The following FBN3 variants were observed in gnomAD, a reference collection of about 807,000 sequenced individuals.
FBN3 encodes the protein fibrillin-3.
In FBN3, 234 loss-of-function variants were observed where a neutral mutation model predicts 330.1. The observed-to-expected ratio is 0.71, with a 90% CI of 0.64 to 0.79. FBN3 has a LOEUF of 0.79. Ranked by LOEUF, FBN3 falls within the 30% of genes least tolerant of loss-of-function variation. The pLI, the probability that FBN3 is intolerant of heterozygous loss-of-function variation, is 0.00. For synonymous variants in FBN3, 1,458 were observed against 1,517.3 expected (o/e 0.96, Z 0.91); for missense variants, 3,606 against 3,886.9 (o/e 0.93, Z 1.92).
chr19:8,128,871 A>G (rs2083057256), intron 18 of FBN3, among the ~76,000 whole-genome samples, 157 bp downstream of exon 18: 1 of 152,162 alleles, frequency 6.6e-6, no homozygotes, highest in African/African-American at 2.4e-5. Flanking sequence ...GTGTGCATAT[A>G]TGTGTGTGTG....
chr19:8,094,349 C>T (rs1277263594), intron 47 of FBN3, 97 bp downstream of exon 47: 3 of 1,329,998 alleles, frequency 2.3e-6, no homozygotes, highest in Non-Finnish European at 3.1e-6. Flanking sequence ...AGTACATCTC[C>T]ACCTTCATCA....
At chr19:8,113,602 G>C (rs981946259) in intron 30 of FBN3, among the ~76,000 whole-genome samples, 2 of 152,216 alleles carry the variant, frequency 1.3e-5, no homozygotes, top group Non-Finnish European at 2.9e-5. Context: ...AGGAGGCTGA[G>C]GCTGGGAGGA....
intron 59 of FBN3, 74 bp downstream of exon 59, chr19:8,080,929 T>C: frequency 8.9e-7 from 1 of 1,127,548 alleles, no homozygotes; most frequent in African/African-American, 1.5e-5. Flanking sequence ...GCCAACTTGA[T>C]ATTTTTTTGG....
chr19:8,135,936 G>GGGGGGGGGGGGGGGGGGGGGGGGCGC, intron 13 of FBN3, 25 bp downstream of exon 13: 3 of 668,778 alleles, frequency 4.5e-6, no homozygotes, highest in Non-Finnish European at 7.2e-6. Context: ...GGAAGCCCCT[G>GGGGGGGGGGGGGGGGGGGGGGGGCGC]CCCACCCGCC....
rs945881736 is a variant in FBN3, at chr19:8,117,647, A to G, written c.3338-58T>C. On this transcript the variant is annotated intron_variant, in intron 26 of 63. Transcript: ENST00000600128. ...TGCCCCATCTGCCGTCTGTGTGACC[A>G]TGAGACACACTGGGGGCACACATGC... is the stretch of plus-strand genomic sequence containing the variant. 5 of 1,483,378 alleles carry G rather than the reference A, an allele frequency of 3.4e-6. No homozygotes were observed. The African/African-American group carries it at 7.0e-5, about 21-fold the overall frequency. The allele number at this position is 1,483,378 out of a possible 1,614,324, so 91.9% of individuals were successfully genotyped here. A position where few individuals can be genotyped will look rare whatever the true frequency, so the allele number is the denominator to read the frequency against.
rs1395861476 is a variant in FBN3, at chr19:8,096,397, C to T, written c.5539+47G>A. 1 of 1,590,204 alleles carries T rather than the reference C, an allele frequency of 6.3e-7. No individual in the cohort carries two copies. The highest frequency in any genetic ancestry group is 8.6e-7 in the Non-Finnish European group (1 of 1,166,490). The stretch of plus-strand genomic sequence containing the variant: ...ACTTCCATCCCAGGGGAGGTTTAGA[C>T]CCCAGGCAGCCTGGCTTGAAAAGGA... On this transcript the variant is annotated intron_variant, in intron 44 of 63. Transcript: ENST00000600128. The surrounding 1 kb of genome is among the most constrained non-coding windows in gnomAD (Gnocchi z 4.6).
intron 46 of FBN3, among the ~76,000 whole-genome samples, chr19:8,094,860 C>T (rs920315235): frequency 3.3e-5 from 5 of 152,278 alleles, no homozygotes; most frequent in East Asian, 1.9e-4. Context: ...ATCTATTTAG[C>T]GCTTCTACTA....
In FBN3 at chr19:8,102,736, T is replaced by C; in HGVS notation, c.5077A>G (p.Thr1693Ala). 1 of 1,612,812 alleles carries C rather than the reference T, an allele frequency of 6.2e-7. No individual in the cohort carries two copies. Among genetic ancestry groups the C allele is most frequent in the Non-Finnish European group, 8.5e-7 (1 of 1,179,474 alleles). ...AWNRPCEACP[T>A]PISPDYQILC... ...GAGGGTTACTCACGACTGATGGGAG[T>C]GGGGCAGGCCTCACAGGGTCTATTC... The change falls in exon 40 of 64, where the codon ACT becomes GCT. Residue 1693 changes from threonine (T) to alanine (A), a missense_variant. Thr to Ala is a moderately conservative substitution (Grantham distance 58). Transcript: ENST00000600128.
intron 56 of FBN3, among the ~76,000 whole-genome samples, chr19:8,084,044 T>C (rs12611247): frequency 0.17 from 26,196 of 151,474 alleles, 2,817 homozygotes; most frequent in Non-Finnish European, 0.24. Context: ...CCTCGTGATC[T>C]GCCCGCCTCA....
At chr19:8,083,476 C>A in intron 56 of FBN3, 104 bp from the exon 57 acceptor site, 1 of 1,413,960 alleles carries the variant, frequency 7.1e-7, no homozygotes. Context: ...GGAGGAAAGT[C>A]CAGCCTCCCT....
Position 8,081,011 on chromosome 19 carries a change from G to A in FBN3, c.7445C>T (p.Ala2482Val). The change falls in exon 59 of 64, where the codon GCC (alanine) becomes GTC (valine). Residue 2482 changes from alanine (A) to valine (V), a missense_variant. By Grantham distance (64) the Ala-to-Val change is moderately conservative. Transcript: ENST00000600128. ...GGGCAAGGGTCACTCACCGAAGCAG[G>A]CCTGGTGGTGCTGGGTGAAGCCGGG... ...CPPGFTQHHQ[A>V]CFDNDECSAQ... 1.2e-6 allele frequency: 2 copies of A among 1,610,198 alleles called. No homozygotes were observed. Among genetic ancestry groups the A allele is most frequent in the Non-Finnish European group, 1.7e-6 (2 of 1,177,786 alleles).
In FBN3 at chr19:8,136,517, T is replaced by G; in HGVS notation, c.1216A>C (p.Asn406His). The G allele has an allele frequency of 1.2e-6, 2 of 1,614,114 alleles. No individual in the cohort carries two copies. Among genetic ancestry groups the G allele is most frequent in the Non-Finnish European group, 1.7e-6 (2 of 1,179,990 alleles). ...TGTCGGCAGATGTCAATGGTCTGGT[T>G]CAGGGTAGCAGTGCCTACGGGTGGG... ...GNSNIGTATL[N>H]QTIDICRHFT... Residue 406 changes from asparagine (N) to histidine (H), a missense_variant, in exon 11 of 64, where the codon AAC becomes CAC. Transcript: ENST00000600128.
At position 8,113,014 on chromosome 19, in the gene FBN3, C is replaced by G. The variant is rs75562406; in HGVS notation, c.3839-915G>C. On this transcript the variant is annotated intron_variant, in intron 30 of 63. Transcript: ENST00000600128. ...TTAAAAGGTATGCTCAAGTCCTAAA[C>G]CCTGAAACTGGTGAATGTGACCTTA... Among the ~76,000 whole-genome samples, 1,228 of 152,300 alleles carry G rather than the reference C, an allele frequency of 8.1e-3. 21 individuals carry two copies. The highest frequency in any genetic ancestry group is 0.028 in the African/African-American group (1,168 of 41,560).
chr19:8,091,920 GC>G (rs1366467405), intron 47 of FBN3, among the ~76,000 whole-genome samples: 1 of 152,190 alleles, frequency 6.6e-6, no homozygotes, highest in Non-Finnish European at 1.5e-5. Context: ...GGTGGCTCAT[GC>G]CTGTAATCCC....
chr19:8,145,042 T>A (rs899208), intron 5 of FBN3, 70 bp from the exon 6 acceptor site: 1 of 1,329,228 alleles, frequency 7.5e-7, no homozygotes, highest in East Asian at 2.4e-5. Flanking sequence ...ACAGCAAGCC[T>A]GTCTTCACCC....
Position 8,087,079 on chromosome 19 carries a change from G to A in FBN3, c.6752C>T (p.Thr2251Ile). 1 of 1,607,808 alleles carries A rather than the reference G, an allele frequency of 6.2e-7. No homozygotes were observed. The highest frequency in any genetic ancestry group is 8.5e-7 in the Non-Finnish European group (1 of 1,179,158). ...CATGAAGCTCCAGTGCCCCATACCTGTGCAGCCCTCCCCAGAGCCAGGCAG... is the reference window on the plus strand; with the variant it reads ...CATGAAGCTCCAGTGCCCCATACCTATGCAGCCCTCCCCAGAGCCAGGCAG... ...RPLPGSGEGC[T>I]DDNECHAQPD... is the part of the protein sequence containing the mutation. The change falls in exon 54 of 64, where the codon ACA becomes ATA. Residue 2251 changes from threonine to isoleucine, a missense_variant and splice_region_variant. Coordinates refer to ENST00000600128, the MANE Select transcript of FBN3 (RefSeq NM_032447.5).
At position 8,126,728 on chromosome 19, in the gene FBN3, C is replaced by G. The variant is rs1248730037; in HGVS notation, c.2401G>C (p.Gly801Arg). ...CGPGSRLDPS[G>R]TFCLDSTKGT... ...GGCCGCTCACCTAGACAGAAGGTAC[C>G]AGAGGGGTCCAGCCGGCTGCCAGGG... The change falls in exon 19 of 64, where the codon GGT (glycine) becomes CGT (arginine). Residue 801 changes from glycine (G) to arginine (R), a missense_variant. Coordinates refer to ENST00000600128, the MANE Select transcript of FBN3 (RefSeq NM_032447.5). The G allele has an allele frequency of 6.3e-7, 1 of 1,587,870 alleles. No homozygotes were observed. Among genetic ancestry groups the G allele is most frequent in the Non-Finnish European group, 8.6e-7 (1 of 1,167,786 alleles).
At chr19:8,086,975 G>T (rs562613990) in intron 54 of FBN3, 102 bp downstream of exon 54, 275 of 1,415,162 alleles carry the variant, frequency 1.9e-4, no homozygotes, top group Non-Finnish European at 2.4e-4. Context: ...CAAAGTGCTG[G>T]GATGACAGGT....
At chr19:8,137,039 CGATCCCTTCAACCTGGGACCTG>C (rs1568451135) in intron 10 of FBN3, among the ~76,000 whole-genome samples, 2 of 99,232 alleles carry the variant, frequency 2.0e-5, no homozygotes, top group African/African-American at 8.1e-5. Context: ...ACTGGCACCT[CGATCCCTTCAACCTGGGACCTG>C]GATCCCTCCA....
Sources: allele counts gnomAD v4.1 joint callset (sites outside exome capture counted in the v4.1 genomes callset), GRCh38; gene constraint gnomAD v4.1.1; non-coding constraint Gnocchi (gnomAD v3.1); transcripts MANE v1.5; gene names NCBI Gene and HGNC (gene_info 2026-07-23, HGNC 2026-07-21).